MYRIP: variants seen among roughly 807,000 people sequenced by gnomAD.
MYRIP encodes the protein myosin VIIA and Rab interacting protein, also known as rab effector MyRIP.
A neutral mutation model predicts 98.0 loss-of-function variants in MYRIP; 49 were observed. The observed-to-expected ratio is 0.50, with a 90% CI of 0.40 to 0.63. The LOEUF is 0.63. Ranked by LOEUF, MYRIP falls within the 30% of genes least tolerant of loss-of-function variation. The pLI is 0.00. For synonymous variants in MYRIP, 404 were observed against 409.5 expected (o/e 0.99, Z 0.16); for missense variants, 1,004 against 1,058.2 (o/e 0.95, Z 0.71).
chr3:40,183,878 C>T (rs543956223), intron 9 of MYRIP, among the ~76,000 whole-genome samples: 6 of 152,244 alleles, frequency 3.9e-5, no homozygotes, highest in Admixed American at 6.5e-5. Flanking sequence ...AAGATTTAAC[C>T]AACAACTATA....
chr3:39,913,620 T>TA (rs1333699568), intron 2 of MYRIP, among the ~76,000 whole-genome samples: 6 of 152,258 alleles, frequency 3.9e-5, no homozygotes, highest in East Asian at 3.9e-4. Flanking sequence ...TGAAAGAAGT[T>TA]AAAAAAAGCT....
intron 3 of MYRIP, among the ~76,000 whole-genome samples, chr3:40,055,780 A>G (rs1253488803): frequency 1.3e-5 from 2 of 152,200 alleles, no homozygotes; most frequent in African/African-American, 4.8e-5. Context: ...ACTAAGGAAC[A>G]TAGCTCCTCT....
At chr3:40,192,198 C>T (rs1023074376) in intron 10 of MYRIP, among the ~76,000 whole-genome samples, 2 of 148,836 alleles carry the variant, frequency 1.3e-5, no homozygotes, top group South Asian at 2.2e-4. Flanking sequence ...CTCAAACGAT[C>T]CTTCTACTCA....
At chr3:39,819,414 G>A (rs548780914) in intron 1 of MYRIP, among the ~76,000 whole-genome samples, 2 of 152,254 alleles carry the variant, frequency 1.3e-5, no homozygotes, top group Non-Finnish European at 1.5e-5. Context: ...ATTTAGTAGT[G>A]CCTTTAATGA....
chr3:39,888,864 C>T (rs1419462288), intron 1 of MYRIP, among the ~76,000 whole-genome samples: 12 of 152,170 alleles, frequency 7.9e-5, no homozygotes, highest in African/African-American at 1.9e-4. Flanking sequence ...AAAAAGTGGG[C>T]GAAGGATATG....
At chr3:40,109,106 A>ACTC (rs1949109072) in intron 3 of MYRIP, among the ~76,000 whole-genome samples, 1 of 151,784 alleles carries the variant, frequency 6.6e-6, no homozygotes, top group Non-Finnish European at 1.5e-5. Flanking sequence ...ACCCACTTTT[A>ACTC]CTCCTCACTC....
chr3:40,238,642 G>A (rs1037391721), intron 12 of MYRIP: 6 of 152,182 alleles, frequency 3.9e-5, no homozygotes, highest in African/African-American at 1.2e-4. Flanking sequence ...ACTAGGCTTC[G>A]CCTGTGTGGC....
At chr3:39,902,436 C>T (rs1943764138) in intron 2 of MYRIP, among the ~76,000 whole-genome samples, 1 of 152,144 alleles carries the variant, frequency 6.6e-6, no homozygotes, top group Non-Finnish European at 1.5e-5. Context: ...GTAGTGTTTT[C>T]CCTGTATCTT....
chr3:39,895,569 T>C (rs1943588469), intron 1 of MYRIP, among the ~76,000 whole-genome samples: 1 of 152,148 alleles, frequency 6.6e-6, no homozygotes, highest in Admixed American at 6.6e-5. Flanking sequence ...AACATTTGGG[T>C]GTTACTTTTA....
intron 3 of MYRIP, among the ~76,000 whole-genome samples, chr3:40,077,689 C>T (rs948331669): frequency 3.9e-5 from 6 of 152,230 alleles, no homozygotes; most frequent in Non-Finnish European, 8.8e-5. Context: ...TAAAGGTTCT[C>T]CAAGGCCCCA....
chr3:40,147,265 A>G (rs768189476), intron 3 of MYRIP, among the ~76,000 whole-genome samples: 34 of 152,144 alleles, frequency 2.2e-4, no homozygotes, highest in Non-Finnish European at 8.8e-5. Context: ...TTTGGTATAT[A>G]TACCTTACAC....
At chr3:40,101,832 G>A (rs1372594127) in intron 3 of MYRIP, among the ~76,000 whole-genome samples, 1 of 151,960 alleles carries the variant, frequency 6.6e-6, no homozygotes, top group Non-Finnish European at 1.5e-5. Flanking sequence ...TTTAACGATA[G>A]CAACTTTGCT....
chr3:39,868,939 T>G (rs1942704166), intron 1 of MYRIP, among the ~76,000 whole-genome samples: 1 of 152,358 alleles, frequency 6.6e-6, no homozygotes, highest in Admixed American at 6.5e-5. Context: ...ATCACTTGTA[T>G]GTGATGTGTT....
intron 3 of MYRIP, among the ~76,000 whole-genome samples, chr3:40,109,090 G>T (rs372576556): frequency 6.6e-6 from 1 of 151,970 alleles, no homozygotes; most frequent in East Asian, 1.9e-4. Context: ...CACAATAAAG[G>T]TTATTACCCA....
rs148585646 is a variant in MYRIP, at chr3:39,955,439, T to G, written c.110+54513T>G. 1.2e-3 allele frequency among the ~76,000 whole-genome samples: 182 copies of G among 152,106 alleles called. 1 individual carries two copies. In the East Asian group the frequency reaches 0.028, roughly 23 times the overall value. On this transcript the variant is annotated intron_variant, in intron 2 of 16. Transcript: ENST00000302541. ...ATCCAGCCAAACTAAGCTTCATAAA[T>G]GAAGGAGAAATAAAATCCTTTACAG... is the stretch of plus-strand genomic sequence containing the variant.
At chr3:40,066,062 T>C (rs1266287111) in intron 3 of MYRIP, among the ~76,000 whole-genome samples, 2 of 152,208 alleles carry the variant, frequency 1.3e-5, no homozygotes, top group Non-Finnish European at 2.9e-5. Flanking sequence ...ACCCCACACC[T>C]TCTGCACAGC....
At position 40,148,471 on chromosome 3, in the gene MYRIP, T is replaced by G. The variant is rs181341547; in HGVS notation, c.333-2577T>G. On this transcript the variant is annotated intron_variant, in intron 3 of 16. Transcript: ENST00000302541. The stretch of plus-strand genomic sequence containing the variant: ...CCCCATGTCTCTTTTCTCTCATATA[T>G]TCCATATTTTTGCCTTCTTATTGTA... Among the ~76,000 whole-genome samples, 718 of 152,288 alleles carry G rather than the reference T, an allele frequency of 4.7e-3. 2 individuals are homozygous for G. Among genetic ancestry groups the G allele is most frequent in the Admixed American group, 0.011 (161 of 15,288 alleles).
intron 1 of MYRIP, among the ~76,000 whole-genome samples, chr3:39,879,163 A>T (rs1470760791): frequency 6.6e-6 from 1 of 151,602 alleles, no homozygotes; most frequent in Non-Finnish European, 1.5e-5. Context: ...TTATTCTTTG[A>T]GTTCTTTAGT....
intron 7 of MYRIP, 103 bp downstream of exon 7, chr3:40,167,342 G>GC: frequency 1.9e-6 from 2 of 1,027,384 alleles, no homozygotes; most frequent in Non-Finnish European, 2.9e-6. Flanking sequence ...CTCTAGCACT[G>GC]TATCTTCTGT....
Sources: allele counts gnomAD v4.1 joint callset (sites outside exome capture counted in the v4.1 genomes callset), GRCh38; gene constraint gnomAD v4.1.1; transcripts MANE v1.5; gene names NCBI Gene and HGNC (gene_info 2026-07-23, HGNC 2026-07-21).